The following EXOC6B variants were observed in gnomAD, a reference collection of about 807,000 sequenced individuals.
EXOC6B encodes the protein exocyst complex component 6B, also known as SEC15 homolog B.
EXOC6B carries 54 observed loss-of-function variants against 113.5 expected under a neutral mutation model. The ratio of observed to expected loss-of-function variants is 0.48; its 90% CI spans 0.38 to 0.60. The LOEUF (loss-of-function observed/expected upper bound fraction) is 0.60, where lower values mean the gene tolerates loss of function less well. EXOC6B is among the 20% of genes least tolerant of loss of function. The probability of loss-of-function intolerance (pLI) is 0.00; values close to 1 mark genes in which losing one functional copy is unlikely to be tolerated. For missense variants in EXOC6B, 797 were observed against 977.5 expected (o/e 0.82, Z 2.46); for synonymous variants, 357 against 339.0 (o/e 1.05, Z -0.58).
intron 20 of EXOC6B, among the ~76,000 whole-genome samples, chr2:72,312,302 CTT>C (rs34170912): frequency 4.3e-4 from 61 of 143,446 alleles, no homozygotes; most frequent in South Asian, 2.0e-3. Context: ...GTTGTCAATA[CTT>C]TTTTTTTTTT....
chr2:72,413,292 A>G (rs1168477286), intron 18 of EXOC6B, among the ~76,000 whole-genome samples: 1 of 151,724 alleles, frequency 6.6e-6, no homozygotes, highest in Non-Finnish European at 1.5e-5. Flanking sequence ...ATACACCACA[A>G]TTACCTGGAG....
chr2:72,401,570 T>C (rs1387039196), intron 18 of EXOC6B, among the ~76,000 whole-genome samples: 3 of 29,914 alleles, frequency 1.0e-4, no homozygotes, highest in Non-Finnish European at 1.5e-4. Context: ...TATATACATA[T>C]ATATATATAT....
intron 8 of EXOC6B, among the ~76,000 whole-genome samples, chr2:72,558,984 A>G (rs1371622297): frequency 6.6e-6 from 1 of 152,130 alleles, no homozygotes; most frequent in Non-Finnish European, 1.5e-5. Flanking sequence ...TCTGCATGTG[A>G]GTGTACTACC....
chr2:72,821,429 A>C (rs1686576256), intron 1 of EXOC6B, among the ~76,000 whole-genome samples: 1 of 152,130 alleles, frequency 6.6e-6, no homozygotes, highest in Admixed American at 6.5e-5. Context: ...CATAATGTTA[A>C]ACATAGAGTT....
chr2:72,486,873 A>T (rs990710061), intron 16 of EXOC6B, among the ~76,000 whole-genome samples: 3 of 149,616 alleles, frequency 2.0e-5, no homozygotes, highest in Non-Finnish European at 3.0e-5. Context: ...AAATAAAACA[A>T]AAAAAAAAAC....
intron 20 of EXOC6B, among the ~76,000 whole-genome samples, chr2:72,194,180 G>C (rs1679017326): frequency 6.6e-6 from 1 of 152,164 alleles, no homozygotes; most frequent in Admixed American, 6.5e-5. Flanking sequence ...CCATTATAAT[G>C]AGATGGCATA....
At chr2:72,823,293 T>C (rs1236034536) in intron 1 of EXOC6B, among the ~76,000 whole-genome samples, 1 of 150,798 alleles carries the variant, frequency 6.6e-6, no homozygotes, top group East Asian at 1.9e-4. Context: ...AAAAGACCTC[T>C]TAATCCATCT....
At position 72,802,959 on chromosome 2, in the gene EXOC6B, G is replaced by A. The variant is rs567907228; in HGVS notation, c.113+22839C>T. Among the ~76,000 whole-genome samples the A allele has an allele frequency of 1.5e-4, 23 of 152,172 alleles. No individual in the cohort carries two copies. In the South Asian group the frequency reaches 3.3e-3, roughly 22 times the overall value. On this transcript the variant is annotated intron_variant, in intron 1 of 21. Transcript: ENST00000272427. The stretch of plus-strand genomic sequence containing the variant: ...CCTCCCAGTGGTTCTGATACACTCC[G>A]GTTTGAAAAACACTTCTTAAGATGA...
chr2:72,479,116 A>C (rs1216774342), intron 17 of EXOC6B, among the ~76,000 whole-genome samples: 3 of 152,198 alleles, frequency 2.0e-5, no homozygotes, highest in Non-Finnish European at 4.4e-5. Flanking sequence ...AATTAGTATC[A>C]TTAGACATTG....
intron 1 of EXOC6B, among the ~76,000 whole-genome samples, chr2:72,798,449 C>A (rs929325670): frequency 6.6e-6 from 1 of 151,720 alleles, no homozygotes; most frequent in African/African-American, 2.4e-5. Context: ...TAGCACCATG[C>A]GAGACATTTT....
At chr2:72,184,409 AT>A (rs1436425457) in intron 20 of EXOC6B, among the ~76,000 whole-genome samples, 6 of 152,252 alleles carry the variant, frequency 3.9e-5, no homozygotes, top group Non-Finnish European at 7.3e-5. Flanking sequence ...GTATGGAAAC[AT>A]TGCTAAGACT....
chr2:72,303,448 C>A (rs1274997201), intron 20 of EXOC6B, among the ~76,000 whole-genome samples: 1 of 152,038 alleles, frequency 6.6e-6, no homozygotes, highest in East Asian at 1.9e-4. Context: ...TTATTATTTT[C>A]TCTTTATTTT....
chr2:72,312,686 C>T (rs760806496), intron 20 of EXOC6B, among the ~76,000 whole-genome samples: 18 of 150,074 alleles, frequency 1.2e-4, no homozygotes, highest in African/African-American at 1.5e-4. Flanking sequence ...ACCCAGGAGG[C>T]GGAGGTTGCA....
intron 5 of EXOC6B, among the ~76,000 whole-genome samples, chr2:72,720,731 G>A (rs1679946058): frequency 6.6e-6 from 1 of 151,984 alleles, no homozygotes; most frequent in South Asian, 2.1e-4. Context: ...TCTAGCCTGG[G>A]TAACAGAGTG....
chr2:72,718,043 C>A, intron 6 of EXOC6B, 60 bp downstream of exon 6: 1 of 1,272,598 alleles, frequency 7.9e-7, no homozygotes, highest in Non-Finnish European at 1.1e-6. Context: ...AAAGAGAAAC[C>A]TGTGTTTAAC....
At chr2:72,253,985 C>T (rs1370388073) in intron 20 of EXOC6B, among the ~76,000 whole-genome samples, 1 of 151,884 alleles carries the variant, frequency 6.6e-6, no homozygotes, top group East Asian at 1.9e-4. Flanking sequence ...ACGATGAGAC[C>T]CCATCTCTAC....
chr2:72,513,889 T>C (rs1261494595), intron 10 of EXOC6B, among the ~76,000 whole-genome samples: 1 of 152,098 alleles, frequency 6.6e-6, no homozygotes, highest in Non-Finnish European at 1.5e-5. Context: ...TTAGGGAATT[T>C]TTATGATATA....
chr2:72,347,105 T>C (rs1460415685), intron 19 of EXOC6B, among the ~76,000 whole-genome samples: 2 of 152,160 alleles, frequency 1.3e-5, no homozygotes, highest in Non-Finnish European at 2.9e-5. Context: ...TTCATTAAAA[T>C]ACATAGATCT....
rs373238995 is a variant in EXOC6B, at chr2:72,565,458, C to A, written c.847-5937G>T. Among the ~76,000 whole-genome samples the A allele has an allele frequency of 4.0e-5, 6 of 149,550 alleles. No homozygotes were observed. In the South Asian group the frequency reaches 8.4e-4, roughly 21 times the overall value. On this transcript the variant is annotated intron_variant, in intron 7 of 21. Transcript: ENST00000272427. Reference sequence around the variant, plus strand: ...TGCTATGAAACTCTAAACCTTTAGGCAAAAGAGGCAATTTTGCACTACTTG... The same window carrying A: ...TGCTATGAAACTCTAAACCTTTAGGAAAAAGAGGCAATTTTGCACTACTTG...
Sources: allele counts gnomAD v4.1 joint callset (sites outside exome capture counted in the v4.1 genomes callset), GRCh38; gene constraint gnomAD v4.1.1; transcripts MANE v1.5; gene names NCBI Gene and HGNC (gene_info 2026-07-23, HGNC 2026-07-21).